The following TRDN variants were observed in gnomAD, a reference collection of about 807,000 sequenced individuals.
The protein encoded by TRDN is triadin.
TRDN carries 161 observed loss-of-function variants against 149.7 expected under a neutral mutation model. The ratio of observed to expected loss-of-function variants is 1.08; its 90% CI spans 0.95 to 1.23. The LOEUF (loss-of-function observed/expected upper bound fraction) is 1.23, where lower values mean the gene tolerates loss of function less well. Ranked by LOEUF, TRDN falls within the 50% of genes most tolerant of loss-of-function variation. The pLI, the probability that TRDN is intolerant of heterozygous loss-of-function variation, is 0.00. For synonymous variants in TRDN, 294 were observed against 250.5 expected (o/e 1.17, Z -1.64); for missense variants, 896 against 823.5 (o/e 1.09, Z -1.08).
At chr6:123,315,770 T>C (rs1778999874) in intron 24 of TRDN, among the ~76,000 whole-genome samples, 1 of 151,962 alleles carries the variant, frequency 6.6e-6, no homozygotes, top group Non-Finnish European at 1.5e-5. Context: ...TTTAGTGTCT[T>C]CCTTTTCTAC....
chr6:123,303,578 T>C (rs2114675065), intron 24 of TRDN, among the ~76,000 whole-genome samples: 1 of 152,248 alleles, frequency 6.6e-6, no homozygotes, highest in South Asian at 2.1e-4. Context: ...CGAGGTTAGA[T>C]GAATAAATAG....
rs970944734 is a variant in TRDN at position 123,452,323 on chromosome 6, G to A, written c.931+12583C>T. 2.6e-4 allele frequency among the ~76,000 whole-genome samples: 39 copies of A among 152,132 alleles called. 1 individual carries two copies. In the South Asian group the frequency reaches 5.8e-3, roughly 23 times the overall value. ...AGTCAAACTGTCACTATTTGCTGAC[G>A]ATATGATCTTTTACCTTGAAAAACC... is the stretch of plus-strand genomic sequence containing the variant. On this transcript the variant is annotated intron_variant, in intron 10 of 40. Coordinates refer to ENST00000334268, the MANE Select transcript of TRDN (RefSeq NM_006073.4).
intron 37 of TRDN, among the ~76,000 whole-genome samples, chr6:123,252,830 T>C (rs1192899676): frequency 6.6e-6 from 1 of 152,102 alleles, no homozygotes; most frequent in Non-Finnish European, 1.5e-5. Context: ...TAAGAAAATA[T>C]GTCAGCTATC....
intron 23 of TRDN, among the ~76,000 whole-genome samples, chr6:123,319,096 A>G (rs1362881463): frequency 6.6e-6 from 1 of 152,070 alleles, no homozygotes; most frequent in Non-Finnish European, 1.5e-5. Flanking sequence ...TCATTCTGTC[A>G]TTGCTAAAAT....
At chr6:123,568,014 A>G (rs1362276366) in intron 2 of TRDN, among the ~76,000 whole-genome samples, 1 of 152,184 alleles carries the variant, frequency 6.6e-6, no homozygotes, top group South Asian at 2.1e-4. Context: ...TAAAATCAAA[A>G]GAAGTTATTT....
chr6:123,319,818 C>T (rs1319518354), intron 23 of TRDN, among the ~76,000 whole-genome samples: 1 of 152,068 alleles, frequency 6.6e-6, no homozygotes, highest in African/African-American at 2.4e-5. Context: ...GCAGCACTGA[C>T]TTTTCCAGGC....
chr6:123,403,288 A>G (rs925919856), intron 12 of TRDN, among the ~76,000 whole-genome samples: 2 of 152,160 alleles, frequency 1.3e-5, no homozygotes, highest in Non-Finnish European at 2.9e-5. Flanking sequence ...CATTGTGGAT[A>G]TGGTTTTGGA....
chr6:123,606,471 A>T (rs535393442), intron 1 of TRDN, among the ~76,000 whole-genome samples: 85 of 152,174 alleles, frequency 5.6e-4, no homozygotes, highest in African/African-American at 1.9e-3. Flanking sequence ...CTTATTAAAA[A>T]GTATATCTTA....
At chr6:123,582,865 G>T (rs1191047004) in intron 1 of TRDN, among the ~76,000 whole-genome samples, 1 of 151,982 alleles carries the variant, frequency 6.6e-6, no homozygotes, top group East Asian at 1.9e-4. Flanking sequence ...AGTGGGATTG[G>T]GGGGGCGTGG....
intron 23 of TRDN, among the ~76,000 whole-genome samples, chr6:123,326,959 T>C (rs1779480207): frequency 6.6e-6 from 1 of 152,132 alleles, no homozygotes; most frequent in Non-Finnish European, 1.5e-5. Flanking sequence ...GGATTTGCTC[T>C]CTTTGTGTCT....
intron 1 of TRDN, among the ~76,000 whole-genome samples, chr6:123,608,658 A>G (rs1373534231): frequency 6.6e-6 from 1 of 152,218 alleles, no homozygotes; most frequent in African/African-American, 2.4e-5. Context: ...ATCAGAAAAC[A>G]TTCAAAAGTA....
At chr6:123,534,513 CA>C (rs1780422066) in intron 4 of TRDN, among the ~76,000 whole-genome samples, 2 of 152,072 alleles carry the variant, frequency 1.3e-5, no homozygotes, top group South Asian at 4.1e-4. Flanking sequence ...TGATGCTATT[CA>C]AGCTCCTGTC....
intron 1 of TRDN, among the ~76,000 whole-genome samples, chr6:123,580,409 T>G (rs1783065574): frequency 1.3e-5 from 2 of 152,160 alleles, no homozygotes; most frequent in Admixed American, 6.5e-5. Flanking sequence ...AAAAAACACT[T>G]TAAGCCTTGA....
intron 4 of TRDN, among the ~76,000 whole-genome samples, chr6:123,542,864 G>A (rs1198857849): frequency 7.3e-6 from 1 of 136,964 alleles, no homozygotes; most frequent in African/African-American, 3.5e-5. Context: ...GTTTGCGTGT[G>A]TGTGTGTGTG....
chr6:123,571,072 G>C lies in TRDN; in HGVS notation c.83C>G (p.Pro28Arg). Residue 28 changes from proline (P) to arginine (R), a missense_variant, in exon 2 of 41, where the codon CCC becomes CGC. Coordinates refer to ENST00000334268, the MANE Select transcript of TRDN (RefSeq NM_006073.4). ...GACTGTCCTCTTCAGCACTTTTCCG[G>C]GGGATTTGGGCACAGATCCATTTTT... Reference protein sequence around the residue: ...DSKNGSVPKSPGKVLKRTVTE... With the variant: ...DSKNGSVPKSRGKVLKRTVTE... 1 of 1,613,924 alleles carries C rather than the reference G, an allele frequency of 6.2e-7. No individual in the cohort carries two copies. The highest frequency in any genetic ancestry group is 1.3e-5 in the African/African-American group (1 of 75,026).
chr6:123,282,106 C>G (rs964282285), intron 24 of TRDN, among the ~76,000 whole-genome samples: 4 of 151,846 alleles, frequency 2.6e-5, no homozygotes, highest in African/African-American at 9.7e-5. Context: ...TGAAGACACA[C>G]AGAGAGAATA....
rs190260620 is a variant in TRDN at position 123,254,583 on chromosome 6, T to C, written c.1951+498A>G. 4.5e-3 allele frequency among the ~76,000 whole-genome samples: 689 copies of C among 152,156 alleles called. 1 individual carries two copies. The highest frequency in any genetic ancestry group is 7.1e-3 in the Admixed American group (109 of 15,260). ...CGTTATTTACAGTTTTATGATAATA[T>C]CAGCAAAATAGATCATTCTCTTTTT... On this transcript the variant is annotated intron_variant, in intron 37 of 40. Transcript: ENST00000334268.
intron 12 of TRDN, among the ~76,000 whole-genome samples, chr6:123,408,759 G>A (rs866465606): frequency 3.3e-5 from 5 of 151,660 alleles, no homozygotes; most frequent in East Asian, 3.9e-4. Context: ...GTACCCATTC[G>A]AATTCCTTGT....
At chr6:123,341,457 A>G (rs920407502) in intron 21 of TRDN, among the ~76,000 whole-genome samples, 1 of 151,894 alleles carries the variant, frequency 6.6e-6, no homozygotes, top group African/African-American at 2.4e-5. Flanking sequence ...ATGCATTGCT[A>G]TCTTTTTAAA....
Sources: allele counts gnomAD v4.1 joint callset (sites outside exome capture counted in the v4.1 genomes callset), GRCh38; gene constraint gnomAD v4.1.1; transcripts MANE v1.5; gene names NCBI Gene and HGNC (gene_info 2026-07-23, HGNC 2026-07-21).